DMD: variants seen among roughly 807,000 people sequenced by gnomAD.
DMD encodes mutant dystrophin.
In DMD, 63 loss-of-function variants were observed where a neutral mutation model predicts 330.1. The observed-to-expected ratio is 0.19, with a 90% confidence interval of 0.16 to 0.24. The LOEUF is 0.24. Ranked by LOEUF, DMD falls within the 10% of genes least tolerant of loss-of-function variation. DMD has a pLI of 1.00. For synonymous variants in DMD, 1,223 were observed against 959.8 expected (o/e 1.27, Z -5.07); for missense variants, 3,344 against 2,684.1 (o/e 1.25, Z -5.43).
chrX:31,746,425 G>A (rs2087843173), intron 51 of DMD, among the ~76,000 whole-genome samples: 1 of 111,866 alleles, frequency 8.9e-6, no homozygotes, highest in African/African-American at 3.2e-5. Context: ...CCCATATAGG[G>A]ATAGAATCAG....
In DMD at chrX:31,634,558, A is replaced by T. The variant is rs184316701; in HGVS notation, c.8028-6696T>A. 4.7e-3 allele frequency among the ~76,000 whole-genome samples: 529 copies of T among 111,397 alleles called. 1 individual carries two copies. The highest frequency in any genetic ancestry group is 0.011 in the East Asian group (38 of 3,553). Reference sequence around the variant, plus strand: ...CACTGATACAGACATTTTATTTTTTAAAAAAAATATACATATCACCTAGAC... The same window carrying T: ...CACTGATACAGACATTTTATTTTTTTAAAAAAATATACATATCACCTAGAC... On this transcript the variant is annotated intron_variant, in intron 54 of 78. Coordinates refer to ENST00000357033, the MANE Select transcript of DMD (RefSeq NM_004006.3).
chrX:31,731,016 GA>G (rs2086465235), intron 51 of DMD, among the ~76,000 whole-genome samples: 1 of 111,867 alleles, frequency 8.9e-6, no homozygotes, highest in Admixed American at 9.5e-5. Context: ...GAGGTAGGGA[GA>G]CAGGCTTTGT....
chrX:32,489,759 T>G (rs2042819936), intron 20 of DMD, among the ~76,000 whole-genome samples: 1 of 111,864 alleles, frequency 8.9e-6, no homozygotes, highest in Non-Finnish European at 1.9e-5. Context: ...TATCTGAATC[T>G]CAAGAATCGG....
At position 32,783,884 on chromosome X, in the gene DMD, C is replaced by T. The variant is rs183493727; in HGVS notation, c.649+25609G>A. Among the ~76,000 whole-genome samples, 6 of 109,606 alleles carry T rather than the reference C, an allele frequency of 5.5e-5. No homozygotes were observed. The East Asian group carries it at 1.7e-3, about 32-fold the overall frequency. On this transcript the variant is annotated intron_variant, in intron 7 of 78. Coordinates refer to ENST00000357033, the MANE Select transcript of DMD (RefSeq NM_004006.3). ...ATGGATTGAAATAGTTCTAATACTT[C>T]ACTTTTTTCATACTTAAAGCTGCTT...
intron 2 of DMD, among the ~76,000 whole-genome samples, chrX:32,913,475 G>C (rs898063538): frequency 1.8e-5 from 2 of 112,185 alleles, no homozygotes; most frequent in African/African-American, 3.2e-5. Flanking sequence ...AAATACTACA[G>C]TTATAATCCA....
At chrX:32,845,652 T>C (rs2080586424) in intron 3 of DMD, among the ~76,000 whole-genome samples, 1 of 111,514 alleles carries the variant, frequency 9.0e-6, no homozygotes, top group African/African-American at 3.3e-5. Flanking sequence ...CCACTGCCAA[T>C]GCAAACCACT....
intron 2 of DMD, among the ~76,000 whole-genome samples, chrX:32,999,004 G>C (rs1247961973): frequency 8.9e-6 from 1 of 112,167 alleles, no homozygotes; most frequent in Non-Finnish European, 1.9e-5. Context: ...AGTTTGAAGT[G>C]TGAACCTTCG....
chrX:31,298,142 A>G (rs1043714730), intron 62 of DMD, among the ~76,000 whole-genome samples: 7 of 111,727 alleles, frequency 6.3e-5, no homozygotes, highest in Non-Finnish European at 1.3e-4. Context: ...ATTCATCTTG[A>G]AAAGTAAAAT....
At position 32,384,271 on chromosome X, in the gene DMD, T is replaced by C. The variant is rs16990287; in HGVS notation, c.4674+2039A>G. The stretch of plus-strand genomic sequence containing the variant: ...ATGAAATAATTGGCATCTATAAAAA[T>C]TGATAAGCACCGGAATAAGGTATCA... On this transcript the variant is annotated intron_variant, in intron 33 of 78. Coordinates refer to ENST00000357033, the MANE Select transcript of DMD (RefSeq NM_004006.3). 2.9e-3 allele frequency among the ~76,000 whole-genome samples: 314 copies of C among 109,830 alleles called. 3 individuals carry two copies. Among genetic ancestry groups the C allele is most frequent in the East Asian group, 0.01 (35 of 3,491 alleles).
intron 69 of DMD, among the ~76,000 whole-genome samples, chrX:31,179,202 C>CA (rs1440504875): frequency 1.8e-5 from 2 of 112,738 alleles, no homozygotes; most frequent in African/African-American, 6.4e-5. Flanking sequence ...TAGCATGCTT[C>CA]ACCCACTAAA....
chrX:33,159,201 C>G (rs754882023), intron 1 of DMD: 1 of 111,923 alleles, frequency 8.9e-6, no homozygotes, highest in South Asian at 3.7e-4. Context: ...TTCATAGACA[C>G]GGGCTTAGTG....
At chrX:33,155,640 A>G (rs1411483742) in intron 1 of DMD, among the ~76,000 whole-genome samples, 3 of 110,728 alleles carry the variant, frequency 2.7e-5, no homozygotes, top group Non-Finnish European at 5.7e-5. Flanking sequence ...AGATGCTACC[A>G]CAGGAGGCTC....
Position 32,927,376 on chromosome X carries a change from T to G in DMD, c.94-77556A>C, listed in dbSNP as rs111910409. On this transcript the variant is annotated intron_variant, in intron 2 of 78. Transcript: ENST00000357033. ...CCTTCTTTCTTTCTTTTTTTTTTTT[T>G]TTTTTTTTTTTGATGGAATTTCACT... Among the ~76,000 whole-genome samples the G allele has an allele frequency of 7.1e-5, 7 of 98,926 alleles. No individual in the cohort carries two copies. In the South Asian group the frequency reaches 3.4e-3, roughly 49 times the overall value. 85.9% of individuals were successfully genotyped at this position (98,926 alleles called of 115,157 possible).
chrX:32,928,020 A>G lies in DMD; in HGVS notation c.94-78200T>C, dbSNP rs776618314. On this transcript the variant is annotated intron_variant, in intron 2 of 78. Transcript: ENST00000357033. ...TTTTAGGACTTTAGCAAATATATAT[A>G]ATCAATTGTATGCATGATTTTGATA... Among the ~76,000 whole-genome samples the G allele has an allele frequency of 4.5e-5, 5 of 111,322 alleles. No individual in the cohort carries two copies. The East Asian group carries it at 1.4e-3, about 31-fold the overall frequency.
intron 45 of DMD, among the ~76,000 whole-genome samples, chrX:31,961,741 T>TTTTTTTTTTTG (rs1491535164): frequency 4.3e-4 from 22 of 51,026 alleles, no homozygotes; most frequent in African/African-American, 3.2e-3. Flanking sequence ...AAGGAAGCGG[T>TTTTTTTTTTTG]TTTTTTTTTT....
At chrX:31,395,037 G>T (rs890207290) in intron 60 of DMD, among the ~76,000 whole-genome samples, 3 of 108,353 alleles carry the variant, frequency 2.8e-5, no homozygotes, top group African/African-American at 1.0e-4. Flanking sequence ...CCTGGTTGTT[G>T]TTTCTGTTTT....
chrX:33,300,939 A>C (rs1047385102), intron 1 of DMD, among the ~76,000 whole-genome samples: 1 of 111,772 alleles, frequency 8.9e-6, no homozygotes, highest in Non-Finnish European at 1.9e-5. Flanking sequence ...AAGATTTTTT[A>C]AGATGTAGAA....
At chrX:32,971,339 A>G (rs1379318533) in intron 2 of DMD, among the ~76,000 whole-genome samples, 2 of 111,835 alleles carry the variant, frequency 1.8e-5, no homozygotes, top group Admixed American at 9.6e-5. Flanking sequence ...CCACAGCTCC[A>G]AGAAGTGTAC....
At chrX:32,352,033 A>C (rs756387523) in intron 37 of DMD, among the ~76,000 whole-genome samples, 5 of 111,294 alleles carry the variant, frequency 4.5e-5, no homozygotes, top group Non-Finnish European at 9.5e-5. Context: ...GAGTAGTTTT[A>C]TTTTGTGTAG....
Sources: gnomAD v4.1 joint callset for allele counts (sites outside exome capture counted in the v4.1 genomes callset) on GRCh38, gnomAD v4.1.1 for gene constraint, MANE v1.5 for transcripts, NCBI Gene and HGNC (gene_info 2026-07-23, HGNC 2026-07-21) for gene names.